BMPR1B: variants seen among roughly 807,000 people sequenced by gnomAD.
The protein encoded by BMPR1B is bone morphogenetic protein receptor type 1B.
Under a neutral mutation model 59.1 loss-of-function variants are expected in BMPR1B, and 12 were observed. That is an observed-to-expected ratio of 0.20 (90% confidence interval 0.13 to 0.33). The LOEUF (loss-of-function observed/expected upper bound fraction) is 0.33, where lower values mean the gene tolerates loss of function less well. BMPR1B is among the 10% of genes least tolerant of loss of function. The pLI is 1.00. For synonymous variants in BMPR1B, 237 were observed against 207.3 expected (o/e 1.14, Z -1.23); for missense variants, 550 against 610.9 (o/e 0.90, Z 1.05).
chr4:94,814,297 G>T (rs1232857170), intron 1 of BMPR1B, among the ~76,000 whole-genome samples: 1 of 152,168 alleles, frequency 6.6e-6, no homozygotes, highest in African/African-American at 2.4e-5. Context: ...GAAAACTTAA[G>T]AGATGTTTAA....
chr4:95,131,099 A>C (rs1733320806), intron 9 of BMPR1B, 116 bp from the exon 10 acceptor site: 1 of 1,084,168 alleles, frequency 9.2e-7, no homozygotes, highest in African/African-American at 1.6e-5. Flanking sequence ...ATAGTCAGGA[A>C]ATTGAATGAA....
chr4:94,984,763 C>T (rs1289427022), intron 2 of BMPR1B, among the ~76,000 whole-genome samples: 3 of 152,156 alleles, frequency 2.0e-5, no homozygotes, highest in African/African-American at 7.2e-5. Context: ...AGCTTTGCTG[C>T]TGTAAGCCTG....
intron 3 of BMPR1B, among the ~76,000 whole-genome samples, chr4:95,053,350 A>G (rs1415921819): frequency 1.4e-5 from 2 of 145,270 alleles, no homozygotes; most frequent in Non-Finnish European, 3.0e-5. Flanking sequence ...TTTATCTTAT[A>G]TCATACTATC....
At chr4:95,032,372 ACT>A (rs1351573182) in intron 3 of BMPR1B, among the ~76,000 whole-genome samples, 5 of 152,000 alleles carry the variant, frequency 3.3e-5, no homozygotes, top group Non-Finnish European at 7.4e-5. Context: ...TAGGGTCCTT[ACT>A]CTCATGATGA....
rs764374593 is a variant in BMPR1B at position 95,131,210 on chromosome 4, T to C, written c.779-5T>C. The stretch of plus-strand genomic sequence containing the variant: ...ACTAAACCTTTTCATCTTTTTTCCT[T>C]TTAGGTTTCATTGCTGCAGATATCA... On this transcript the variant is annotated splice_polypyrimidine_tract_variant and splice_region_variant and intron_variant, in intron 9 of 12. Transcript: ENST00000515059. The C allele has an allele frequency of 6.2e-7, 1 of 1,613,136 alleles. No individual in the cohort carries two copies. The highest frequency in any genetic ancestry group is 8.5e-7 in the Non-Finnish European group (1 of 1,179,278).
At chr4:95,035,276 A>C (rs1310491626) in intron 3 of BMPR1B, among the ~76,000 whole-genome samples, 1 of 152,018 alleles carries the variant, frequency 6.6e-6, no homozygotes, top group Non-Finnish European at 1.5e-5. Context: ...GAAGCTTTTT[A>C]GTTTAATTAG....
At chr4:94,943,861 A>C (rs1042819130) in intron 2 of BMPR1B, among the ~76,000 whole-genome samples, 1 of 152,194 alleles carries the variant, frequency 6.6e-6, no homozygotes, top group African/African-American at 2.4e-5. Context: ...TGATTTCAAA[A>C]TTTCTCTTCT....
At chr4:94,879,912 G>T (rs1726892097) in intron 2 of BMPR1B, among the ~76,000 whole-genome samples, 1 of 152,108 alleles carries the variant, frequency 6.6e-6, no homozygotes, top group Non-Finnish European at 1.5e-5. Flanking sequence ...CAACCATATG[G>T]ATCGTTTGGA....
chr4:95,101,593 C>A (rs1730823487), intron 3 of BMPR1B, among the ~76,000 whole-genome samples: 1 of 152,054 alleles, frequency 6.6e-6, no homozygotes, highest in Non-Finnish European at 1.5e-5. Context: ...GCTTTCCCCC[C>A]ACATTTGGCT....
chr4:95,134,347 A>G (rs929522396), intron 10 of BMPR1B, among the ~76,000 whole-genome samples: 3 of 152,168 alleles, frequency 2.0e-5, no homozygotes, highest in African/African-American at 7.2e-5. Flanking sequence ...ATGTGTCTTT[A>G]TAGCAGCATG....
At chr4:95,032,193 A>G (rs1724916237) in intron 3 of BMPR1B, among the ~76,000 whole-genome samples, 1 of 151,976 alleles carries the variant, frequency 6.6e-6, no homozygotes, top group South Asian at 2.1e-4. Context: ...GGTCCTGGTG[A>G]GCTCCTGCCT....
intron 2 of BMPR1B, among the ~76,000 whole-genome samples, chr4:94,895,559 AATT>A (rs1342938925): frequency 6.6e-6 from 1 of 151,870 alleles, no homozygotes; most frequent in Non-Finnish European, 1.5e-5. Flanking sequence ...AATGAAGAAA[AATT>A]ATTTTGATTT....
intron 2 of BMPR1B, among the ~76,000 whole-genome samples, chr4:94,985,016 A>G (rs930959606): frequency 6.6e-6 from 1 of 152,206 alleles, no homozygotes; most frequent in Admixed American, 6.5e-5. Context: ...GAACAGAGGT[A>G]TGGAAAGTCT....
chr4:94,841,069 C>G (rs1277797515), intron 1 of BMPR1B, among the ~76,000 whole-genome samples: 1 of 148,112 alleles, frequency 6.8e-6, no homozygotes, highest in Admixed American at 6.7e-5. Context: ...CCCAGTTAGG[C>G]TGTTCGGGTG....
intron 6 of BMPR1B, 74 bp downstream of exon 6, chr4:95,115,861 C>A: frequency 7.6e-7 from 1 of 1,310,330 alleles, no homozygotes; most frequent in South Asian, 1.2e-5. Context: ...TAGAATCGTT[C>A]TCTCTCAATC....
At chr4:94,784,482 A>T (rs1722694660) in intron 1 of BMPR1B, among the ~76,000 whole-genome samples, 1 of 152,148 alleles carries the variant, frequency 6.6e-6, no homozygotes. Flanking sequence ...TTTCAAAATT[A>T]TATTTACATT....
At chr4:95,125,262 C>A in intron 8 of BMPR1B, 141 bp downstream of exon 8, 2 of 1,075,556 alleles carry the variant, frequency 1.9e-6, no homozygotes, top group Non-Finnish European at 1.4e-6. Flanking sequence ...ATCTCAGCTG[C>A]AGGGCTTCCT....
intron 4 of BMPR1B, among the ~76,000 whole-genome samples, chr4:95,110,697 A>G (rs1294840265): frequency 2.6e-5 from 4 of 152,184 alleles, no homozygotes; most frequent in African/African-American, 9.6e-5. Flanking sequence ...GTCTGTCCCT[A>G]TTCCTGGAAG....
At chr4:95,052,569 C>T (rs963587680) in intron 3 of BMPR1B, among the ~76,000 whole-genome samples, 6 of 151,876 alleles carry the variant, frequency 4.0e-5, no homozygotes, top group African/African-American at 1.5e-4. Context: ...TAAAGTTCAG[C>T]TTTATGTACT....
Sources: gnomAD v4.1 joint callset for allele counts (sites outside exome capture counted in the v4.1 genomes callset) on GRCh38, gnomAD v4.1.1 for gene constraint, MANE v1.5 for transcripts, NCBI Gene and HGNC (gene_info 2026-07-23, HGNC 2026-07-21) for gene names.